MTMR10: variants seen among roughly 807,000 people sequenced by gnomAD.
MTMR10 encodes the protein myotubularin related protein 10.
Under a neutral mutation model 88.1 loss-of-function variants are expected in MTMR10, and 56 were observed. That is an observed-to-expected ratio of 0.64 (90% CI 0.51 to 0.79). The LOEUF (loss-of-function observed/expected upper bound fraction) is 0.79, where lower values mean the gene tolerates loss of function less well. Ranked by LOEUF, MTMR10 falls within the 30% of genes least tolerant of loss-of-function variation. MTMR10 has a pLI of 0.00. For missense variants in MTMR10, 883 were observed against 924.7 expected (o/e 0.95, Z 0.58); for synonymous variants, 380 against 340.9 (o/e 1.11, Z -1.26).
At chr15:30,921,271 G>T in the MTMR10 span, among the ~76,000 whole-genome samples, 8 of 152,328 alleles carry the variant, frequency 5.3e-5, 2 homozygotes, top group African/African-American at 1.9e-4. Context: ...CAGGTCTGCA[G>T]CCTGAGCCTG....
chr15:30,974,881 T>C lies in MTMR10; in HGVS notation c.331+50A>G, dbSNP rs762229391. ...TTGAGAGGTATGACTTTTCAAATAA[T>C]ACTTCCAGAGTGGAATTGACTTTTA... is the stretch of plus-strand genomic sequence containing the variant. On this transcript the variant is annotated intron_variant, in intron 4 of 15. Transcript: ENST00000435680. 99 of 1,234,640 alleles carry C rather than the reference T, an allele frequency of 8.0e-5. No individual in the cohort carries two copies. In the South Asian group the frequency reaches 1.6e-3, roughly 20 times the overall value. 76.5% of individuals were successfully genotyped at this position (1,234,640 alleles called of 1,614,324 possible).
rs905658470 is a variant in MTMR10 at position 30,940,563 on chromosome 15, T to A, written c.*907A>T. 6.1e-6 allele frequency: 6 copies of A among 985,422 alleles called. No homozygotes were observed. The highest frequency in any genetic ancestry group is 7.2e-6 in the Non-Finnish European group (6 of 830,086). The allele number at this position is 985,422 out of a possible 1,614,324, so 61.0% of individuals were successfully genotyped here. ...TACTGATGGCCAAGCCCAGCACGCC[T>A]CCCAGCAAGCCTTGTTTGTTTTTGA... On this transcript the variant is annotated 3_prime_UTR_variant, in exon 16 of 16. Coordinates refer to ENST00000435680, the MANE Select transcript of MTMR10 (RefSeq NM_017762.3).
rs987173758 is a variant in MTMR10 at position 30,939,712 on chromosome 15, T to G, written c.*1758A>C. 1 of 974,360 alleles carries G rather than the reference T, an allele frequency of 1.0e-6. No individual in the cohort carries two copies. Among genetic ancestry groups the G allele is most frequent in the African/African-American group, 1.8e-5 (1 of 56,860 alleles). 60.4% of individuals were successfully genotyped at this position (974,360 alleles called of 1,614,324 possible). On this transcript the variant is annotated 3_prime_UTR_variant, in exon 16 of 16. Transcript: ENST00000435680. ...GGGAAAAATGCTCAATCCAAAACAT[T>G]TAGTAATAATAAAAAAGCAGCTAAA...
At chr15:30,954,668 C>CT (rs1397103846) in intron 10 of MTMR10, 95 bp downstream of exon 10, 1 of 1,217,602 alleles carries the variant, frequency 8.2e-7, no homozygotes, top group Non-Finnish European at 1.1e-6. Context: ...TTAAATATAT[C>CT]TATTTCTACA....
chr15:30,979,796 G>A (rs867365582), intron 2 of MTMR10, among the ~76,000 whole-genome samples: 2 of 152,336 alleles, frequency 1.3e-5, no homozygotes, highest in South Asian at 4.1e-4. Flanking sequence ...TATGAACGCA[G>A]TGAGAATGAG....
intron 9 of MTMR10, among the ~76,000 whole-genome samples, chr15:30,955,812 G>A (rs746075592): frequency 6.6e-6 from 1 of 152,108 alleles, no homozygotes; most frequent in Non-Finnish European, 1.5e-5. Context: ...AGGATAAACT[G>A]CAAGTACAGA....
In MTMR10 at chr15:30,947,300, A is replaced by C; in HGVS notation, c.1378T>G (p.Ser460Ala). ...CNHLKRSEKE[S>A]PLFLLFLDAT... ...TCCAAGAATAGCAAAAATAAAGGAG[A>C]CTGGCAAATACAAAGAGACAATGGG... is the stretch of plus-strand genomic sequence containing the variant. Residue 460 changes from serine to alanine, a missense_variant and splice_region_variant, in exon 14 of 16, where the codon TCT becomes GCT. Physicochemically the swap from Ser to Ala is moderately conservative, Grantham distance 99 (BLOSUM62 1). Around this residue, in one of 3 missense-constraint regions of MTMR10, gnomAD observed 126 missense variants for 178.2 expected, o/e 0.71. Coordinates refer to ENST00000435680, the MANE Select transcript of MTMR10 (RefSeq NM_017762.3). The C allele has an allele frequency of 6.2e-7, 1 of 1,612,544 alleles. No homozygotes were observed. Among genetic ancestry groups the C allele is most frequent in the Non-Finnish European group, 8.5e-7 (1 of 1,179,446 alleles).
downstream of MTMR10, among the ~76,000 whole-genome samples, chr15:30,934,813 G>C (rs760553796): frequency 1.3e-5 from 2 of 152,212 alleles, no homozygotes; most frequent in African/African-American, 4.8e-5. Flanking sequence ...ACACTTTAGA[G>C]TAAAAAGAAC....
At chr15:30,933,342 A>G in the MTMR10 span, among the ~76,000 whole-genome samples, 1 of 152,304 alleles carries the variant, frequency 6.6e-6, no homozygotes, top group African/African-American at 2.4e-5. Flanking sequence ...TTCAGTTCAC[A>G]ATACTTTCTG....
intron 5 of MTMR10, among the ~76,000 whole-genome samples, chr15:30,971,046 C>A (rs960620332): frequency 6.6e-6 from 1 of 152,078 alleles, no homozygotes; most frequent in African/African-American, 2.4e-5. Flanking sequence ...GGATTGTCTT[C>A]ATGTTGTTAC....
chr15:30,947,739 C>T (rs528017174), intron 13 of MTMR10, among the ~76,000 whole-genome samples: 3 of 152,316 alleles, frequency 2.0e-5, no homozygotes, highest in East Asian at 1.9e-4. Context: ...GCCTAGGTCA[C>T]GTGGTGTGTC....
At chr15:30,948,279 A>G in intron 13 of MTMR10, 23 bp downstream of exon 13, 1 of 1,597,168 alleles carries the variant, frequency 6.3e-7, no homozygotes, top group Non-Finnish European at 8.5e-7. Flanking sequence ...AAGACTGATA[A>G]AAAGGCATCA....
In MTMR10 at chr15:30,941,736, C is replaced by G; in HGVS notation, c.2068G>C (p.Asp690His). Residue 690 changes from aspartate (D) to histidine (H), a missense_variant, in exon 16 of 16, where the codon GAC becomes CAC. Asp to His is a moderately conservative substitution (Grantham distance 81). Transcript: ENST00000435680. The stretch of plus-strand genomic sequence containing the variant: ...TGCCGCAGCATCCTGCTCAGTACGT[C>G]GACTTCATCAGCCAGGAGGGAGAGC... ...HKLSLLADEV[D>H]VLSRMLRQQR... The G allele has an allele frequency of 6.2e-7, 1 of 1,613,906 alleles. No homozygotes were observed. Among genetic ancestry groups the G allele is most frequent in the South Asian group, 1.1e-5 (1 of 91,068 alleles).
chr15:30,955,682 A>G (rs1256541920), intron 9 of MTMR10, among the ~76,000 whole-genome samples: 1 of 152,106 alleles, frequency 6.6e-6, no homozygotes, highest in Non-Finnish European at 1.5e-5. Context: ...TAGATTAAGG[A>G]GACCCTACAC....
chr15:30,929,871 A>G, the MTMR10 span, among the ~76,000 whole-genome samples: 2 of 94,888 alleles, frequency 2.1e-5, no homozygotes, highest in African/African-American at 9.1e-5. Flanking sequence ...TAATATATAT[A>G]AAATATATAA....
intron 5 of MTMR10, among the ~76,000 whole-genome samples, chr15:30,968,817 C>T (rs1394483640): frequency 1.3e-5 from 2 of 152,072 alleles, no homozygotes; most frequent in African/African-American, 4.8e-5. Context: ...GGAGGAGCTC[C>T]ATATATAGAA....
chr15:30,932,668 CCATTT>C, the MTMR10 span, among the ~76,000 whole-genome samples: 1 of 151,380 alleles, frequency 6.6e-6, no homozygotes, highest in Admixed American at 6.6e-5. Flanking sequence ...AGGAATTTGT[CCATTT>C]CATTTAAGTA....
rs536579381 is a variant in MTMR10 at position 30,958,614 on chromosome 15, C to G, written c.935+249G>C. Among the ~76,000 whole-genome samples, 21 of 152,282 alleles carry G rather than the reference C, an allele frequency of 1.4e-4. No homozygotes were observed. The South Asian group carries it at 3.9e-3, about 29-fold the overall frequency. ...AAGTATGTTATAGGAAATGCTATAG[C>G]AAGATGTCAGCAATGTAAGATCCAC... On this transcript the variant is annotated intron_variant, in intron 9 of 15. Transcript: ENST00000435680.
Position 30,943,019 on chromosome 15 carries a change from G to A in MTMR10, c.1602C>T (p.Phe534=). 3 of 1,551,382 alleles carry A rather than the reference G, an allele frequency of 1.9e-6. No individual in the cohort carries two copies. The highest frequency in any genetic ancestry group is 1.7e-6 in the Non-Finnish European group (2 of 1,146,896). The stretch of plus-strand genomic sequence containing the variant: ...GGAGAGACCAGTCCCAAACAGAGGG[G>A]AATTTTAAGCCCTTCTCATCACCCA... ...IQLGDEKGLK[F]PSVWDWSLQF... The change falls in exon 15 of 16, where the codon TTC becomes TTT. Residue 534 remains phenylalanine (F), a synonymous_variant. Transcript: ENST00000435680.
Sources: gnomAD v4.1 joint callset for allele counts (sites outside exome capture counted in the v4.1 genomes callset) on GRCh38, gnomAD v4.1.1 for gene constraint, gnomAD v4.1.1 regional missense constraint, MANE v1.5 for transcripts, NCBI Gene and HGNC (gene_info 2026-07-23, HGNC 2026-07-21) for gene names.